The following SLC7A7 variants were observed in gnomAD, a reference collection of about 807,000 sequenced individuals.
SLC7A7 encodes the protein Y+L amino acid transporter 1.
Under a neutral mutation model 47.9 loss-of-function variants are expected in SLC7A7, and 39 were observed. The ratio of observed to expected loss-of-function variants is 0.81; its 90% CI spans 0.63 to 1.06. The LOEUF (loss-of-function observed/expected upper bound fraction) is 1.06, where lower values mean the gene tolerates loss of function less well. SLC7A7 is among the 50% of genes least tolerant of loss of function. The probability of loss-of-function intolerance (pLI) is 0.00; values close to 1 mark genes in which losing one functional copy is unlikely to be tolerated. For missense variants in SLC7A7, 588 were observed against 632.0 expected, an observed-to-expected ratio of 0.93 and a Z score of 0.75; for synonymous variants, 234 against 242.8, an observed-to-expected ratio of 0.96 and a Z score of 0.34.
intron 2 of SLC7A7, among the ~76,000 whole-genome samples, chr14:22,780,746 C>G (rs944163745): frequency 6.6e-6 from 1 of 152,152 alleles, no homozygotes; most frequent in South Asian, 2.1e-4. Context: ...TACCTTTTAT[C>G]AGGGTTCTTA....
In SLC7A7 at chr14:22,813,079, A is replaced by T. The variant is rs2039343899; in HGVS notation, c.320T>A (p.Ile107Asn). The T allele has an allele frequency of 6.2e-7, 1 of 1,614,078 alleles. No individual in the cohort carries two copies. The highest frequency in any genetic ancestry group is 8.5e-7 in the Non-Finnish European group (1 of 1,180,038). Residue 107 changes from isoleucine to asparagine, a missense_variant, in exon 2 of 10, where the codon ATC becomes AAC. Ile to Asn is a moderately radical substitution (Grantham distance 149). Transcript: ENST00000674313. ...AAGGAATCCTCCAAAGGCCTCCAGGATATAGGCATAGCTGGCCCCAGATTT... is the reference window on the plus strand; with the variant it reads ...AAGGAATCCTCCAAAGGCCTCCAGGTTATAGGCATAGCTGGCCCCAGATTT... ...IKKSGASYAY[I>N]LEAFGGFLAF...
intron 5 of SLC7A7, 96 bp from the exon 6 acceptor site, chr14:22,776,032 A>G (rs1386073039): frequency 2.1e-6 from 3 of 1,421,472 alleles, no homozygotes; most frequent in African/African-American, 1.4e-5. Flanking sequence ...AGGTATTCCA[A>G]CCTTTCTTCC....
intron 3 of SLC7A7, among the ~76,000 whole-genome samples, chr14:22,779,381 T>C (rs2139395821): frequency 6.6e-6 from 1 of 152,262 alleles, no homozygotes; most frequent in South Asian, 2.1e-4. Context: ...GGACAGACTT[T>C]TGGGTCAGTT....
In SLC7A7 at chr14:22,774,431, A is replaced by G; in HGVS notation, c.1168T>C (p.Trp390Arg). The change falls in exon 8 of 10, where the codon TGG becomes CGG. Residue 390 changes from tryptophan (W) to arginine (R), a missense_variant. Coordinates refer to ENST00000674313, the MANE Select transcript of SLC7A7 (RefSeq NM_003982.4). The stretch of plus-strand genomic sequence containing the variant: ...ACAATAGAAAGCCCCACAAAGAACC[A>G]GTAGCTGAAGCTGTAGTAGTTAATG... ...QLINYYSFSY[W>R]FFVGLSIVGQ... The G allele has an allele frequency of 6.2e-7, 1 of 1,614,172 alleles. No individual in the cohort carries two copies. The highest frequency in any genetic ancestry group is 8.5e-7 in the Non-Finnish European group (1 of 1,180,024).
intron 2 of SLC7A7, among the ~76,000 whole-genome samples, chr14:22,803,763 G>A (rs147856792): frequency 1.3e-5 from 2 of 152,200 alleles, no homozygotes; most frequent in East Asian, 3.9e-4. Context: ...TCATCCTTCA[G>A]TGCTGATGCA....
intron 2 of SLC7A7, among the ~76,000 whole-genome samples, chr14:22,787,389 TTA>T: frequency 6.6e-6 from 1 of 151,280 alleles, no homozygotes; most frequent in Non-Finnish European, 1.5e-5. Flanking sequence ...TGAGCCAAGA[TTA>T]CACCACTACA....
intron 2 of SLC7A7, among the ~76,000 whole-genome samples, chr14:22,810,008 C>T (rs1188550430): frequency 3.9e-5 from 5 of 126,820 alleles, no homozygotes; most frequent in African/African-American, 1.2e-4. Context: ...CATTGCACTC[C>T]AGCCTGGGCA....
intron 2 of SLC7A7, among the ~76,000 whole-genome samples, chr14:22,796,997 C>T (rs1293735223): frequency 6.6e-6 from 1 of 152,186 alleles, no homozygotes; most frequent in East Asian, 1.9e-4. Context: ...ATATAACTTG[C>T]AGTAATAGAT....
Position 22,774,351 on chromosome 14 carries a change from T to G in SLC7A7, c.1245+3A>C. 6.2e-7 allele frequency: 1 copy of G among 1,614,090 alleles called. No individual in the cohort carries two copies. Among genetic ancestry groups the G allele is most frequent in the Non-Finnish European group, 8.5e-7 (1 of 1,180,008 alleles). ...GAGCAGAGGTAGGATGGAGTTGCCT[T>G]ACCTTGAGGGGACGAGGTCGATCAG... On this transcript the variant is annotated splice_donor_region_variant and intron_variant, in intron 8 of 9. Coordinates refer to ENST00000674313, the MANE Select transcript of SLC7A7 (RefSeq NM_003982.4).
intron 4 of SLC7A7, among the ~76,000 whole-genome samples, chr14:22,776,653 C>T (rs949172668): frequency 2.0e-5 from 3 of 151,940 alleles, no homozygotes; most frequent in Non-Finnish European, 4.4e-5. Flanking sequence ...GGCAACATGG[C>T]AAAACCCTGT....
intron 2 of SLC7A7, among the ~76,000 whole-genome samples, chr14:22,785,421 C>T (rs2038795633): frequency 6.6e-6 from 1 of 152,078 alleles, no homozygotes; most frequent in African/African-American, 2.4e-5. Context: ...CCCAATGGCC[C>T]TTCTTAACAT....
chr14:22,805,349 A>G (rs1371303209), intron 2 of SLC7A7, among the ~76,000 whole-genome samples: 1 of 152,250 alleles, frequency 6.6e-6, no homozygotes, highest in Non-Finnish European at 1.5e-5. Context: ...TAGGTGACAG[A>G]GCAAGACTCA....
chr14:22,801,827 G>A (rs977288306), intron 2 of SLC7A7, among the ~76,000 whole-genome samples: 6 of 151,918 alleles, frequency 3.9e-5, no homozygotes, highest in African/African-American at 9.7e-5. Context: ...TCCTGACCCC[G>A]GCATGCACCC....
rs754387608 is a variant in SLC7A7 at position 22,775,829 on chromosome 14, T to C, written c.998+4A>G. 1 of 1,611,602 alleles carries C rather than the reference T, an allele frequency of 6.2e-7. No homozygotes were observed. The highest frequency in any genetic ancestry group is 8.5e-7 in the Non-Finnish European group (1 of 1,177,700). On this transcript the variant is annotated splice_donor_region_variant and intron_variant, in intron 6 of 9. Transcript: ENST00000674313. ...ACACCCCTCACAAAAGTTGCCACTC[T>C]TACCTAGAAGCAGCCACAATGGAGG...
At chr14:22,817,201 T>C (rs1020895797), upstream of SLC7A7, 8 of 197,060 alleles carry the variant, frequency 4.1e-5, no homozygotes, top group South Asian at 3.8e-4. Flanking sequence ...TGGAGTGCAG[T>C]GGCACGATCT....
intron 7 of SLC7A7, 39 bp downstream of exon 7, chr14:22,775,405 C>T (rs368801968): frequency 8.5e-6 from 13 of 1,532,384 alleles, no homozygotes; most frequent in East Asian, 2.2e-5. Flanking sequence ...AAGTTTCCCC[C>T]GCAATCTGGC....
At chr14:22,799,620 A>C (rs1053947641) in intron 2 of SLC7A7, among the ~76,000 whole-genome samples, 3 of 151,650 alleles carry the variant, frequency 2.0e-5, no homozygotes, top group African/African-American at 7.3e-5. Context: ...ATGCCCGGCT[A>C]GTTTTTGTAT....
Position 22,774,384 on chromosome 14 carries a change from C to G in SLC7A7, c.1215G>C (p.Trp405Cys), listed in dbSNP as rs1479668615. ...LSIVGQLYLR[W>C]KEPDRPRPLK... ...GGGGACGAGGTCGATCAGGCTCCTT[C>G]CAGCGCAGATAAAGCTGACCCACAA... The change falls in exon 8 of 10, where the codon TGG (tryptophan) becomes TGC (cysteine). Residue 405 changes from tryptophan (W) to cysteine (C), a missense_variant. Trp to Cys is a radical substitution (Grantham distance 215, BLOSUM62 -2). Coordinates refer to ENST00000674313, the MANE Select transcript of SLC7A7 (RefSeq NM_003982.4). 6.8e-6 allele frequency: 11 copies of G among 1,614,016 alleles called. No individual in the cohort carries two copies. Among genetic ancestry groups the G allele is most frequent in the Non-Finnish European group, 9.3e-6 (11 of 1,180,042 alleles).
chr14:22,792,070 C>T (rs1305662593), intron 2 of SLC7A7, among the ~76,000 whole-genome samples: 3 of 152,064 alleles, frequency 2.0e-5, no homozygotes, highest in Non-Finnish European at 4.4e-5. Context: ...TTCCTGACCC[C>T]GTGATCCACC....
Sources: gnomAD v4.1 joint callset for allele counts (sites outside exome capture counted in the v4.1 genomes callset) on GRCh38, gnomAD v4.1.1 for gene constraint, MANE v1.5 for transcripts, NCBI Gene and HGNC (gene_info 2026-07-23, HGNC 2026-07-21) for gene names.